The following TBC1D5 variants were observed in gnomAD, a reference collection of about 807,000 sequenced individuals.
TBC1D5 encodes the protein TBC1 domain family, member 5.
TBC1D5 carries 75 observed loss-of-function variants against 100.3 expected under a neutral mutation model. The observed-to-expected ratio is 0.75, with a 90% CI of 0.62 to 0.91. The LOEUF is 0.91. TBC1D5 is among the 40% of genes least tolerant of loss of function. The pLI, the probability that TBC1D5 is intolerant of heterozygous loss-of-function variation, is 0.00. For missense variants in TBC1D5, 910 were observed against 942.4 expected (o/e 0.97, Z 0.45); for synonymous variants, 323 against 325.6 (o/e 0.99, Z 0.09).
intron 1 of TBC1D5, among the ~76,000 whole-genome samples, chr3:17,713,244 C>CTT (rs770932378): frequency 2.0e-4 from 28 of 139,842 alleles, no homozygotes; most frequent in Non-Finnish European, 3.6e-4. Flanking sequence ...CTTTTCTTTT[C>CTT]TTTTTTTTTT....
At chr3:17,328,537 C>T (rs191476704) in intron 13 of TBC1D5, among the ~76,000 whole-genome samples, 1 of 152,332 alleles carries the variant, frequency 6.6e-6, no homozygotes, top group Non-Finnish European at 1.5e-5. Context: ...AGTGGCAGAA[C>T]TGGGACTCAC....
At chr3:17,453,511 G>T (rs2094977796) in intron 3 of TBC1D5, among the ~76,000 whole-genome samples, 2 of 152,010 alleles carry the variant, frequency 1.3e-5, no homozygotes, top group South Asian at 4.2e-4. Flanking sequence ...ATCATTAGTG[G>T]CTACTATGAA....
intron 1 of TBC1D5, among the ~76,000 whole-genome samples, chr3:17,694,677 G>T (rs899806795): frequency 1.3e-5 from 2 of 152,148 alleles, no homozygotes; most frequent in Non-Finnish European, 2.9e-5. Context: ...CAGTCTTCAG[G>T]ATATTATCCA....
chr3:17,699,400 G>T (rs1243401268), intron 1 of TBC1D5, among the ~76,000 whole-genome samples: 2 of 101,602 alleles, frequency 2.0e-5, no homozygotes, highest in African/African-American at 3.7e-5. Flanking sequence ...TTGTGGGGTG[G>T]GGGGAGGGGG....
chr3:17,608,784 G>A, intron 2 of TBC1D5, among the ~76,000 whole-genome samples: 1 of 152,024 alleles, frequency 6.6e-6, no homozygotes. Context: ...GGGGGTTGAG[G>A]AGCAGGGGGA....
intron 2 of TBC1D5, among the ~76,000 whole-genome samples, chr3:17,563,939 T>C (rs113834241): frequency 0.011 from 1,686 of 152,172 alleles, 33 homozygotes; most frequent in East Asian, 0.043. Flanking sequence ...CCCGCCACCA[T>C]GCCTGGCTAA....
chr3:17,729,015 G>GT (rs1309878204), intron 1 of TBC1D5, among the ~76,000 whole-genome samples: 28 of 12,392 alleles, frequency 2.3e-3, no homozygotes, highest in Admixed American at 0.02. Context: ...CTGAAAATCA[G>GT]TAAAAAAAAA....
chr3:17,191,200 A>G lies in TBC1D5; in HGVS notation c.1753-5992T>C, dbSNP rs147911888. ...ATCACAAGCCTTAAAATCAGTATAT[A>G]CTAGGCTTGACACTTACCTTCTCTG... On this transcript the variant is annotated intron_variant, in intron 18 of 21. Coordinates refer to ENST00000253692, the Ensembl canonical transcript of TBC1D5. Among the ~76,000 whole-genome samples the G allele has an allele frequency of 9.1e-4, 138 of 152,330 alleles. 2 individuals carry two copies. The highest frequency in any genetic ancestry group is 5.4e-4 in the Non-Finnish European group (37 of 68,030).
intron 1 of TBC1D5, among the ~76,000 whole-genome samples, chr3:17,636,186 C>T (rs758986891): frequency 4.0e-5 from 6 of 150,240 alleles, no homozygotes; most frequent in Non-Finnish European, 8.9e-5. Context: ...AACTCCATAT[C>T]AAGAAAAAAA....
intron 4 of TBC1D5, among the ~76,000 whole-genome samples, chr3:17,412,799 T>C (rs946578232): frequency 2.6e-5 from 4 of 152,000 alleles, no homozygotes; most frequent in African/African-American, 9.7e-5. Flanking sequence ...AATAAAGAAA[T>C]GAGAAATAGG....
At chr3:17,556,218 A>C (rs1205809690) in intron 2 of TBC1D5, among the ~76,000 whole-genome samples, 1 of 152,098 alleles carries the variant, frequency 6.6e-6, no homozygotes, top group Non-Finnish European at 1.5e-5. Context: ...GGGTTTCACC[A>C]TGTTGGCCAA....
chr3:17,193,855 A>G, intron 18 of TBC1D5, among the ~76,000 whole-genome samples: 1 of 152,254 alleles, frequency 6.6e-6, no homozygotes, highest in East Asian at 1.9e-4. Flanking sequence ...CACTTACAGA[A>G]GGTGTTCTAT....
intron 13 of TBC1D5, among the ~76,000 whole-genome samples, chr3:17,355,866 T>C (rs966288068): frequency 1.3e-5 from 2 of 152,138 alleles, no homozygotes; most frequent in African/African-American, 4.8e-5. Flanking sequence ...ATGTTCTTTG[T>C]TTGATTTTAT....
chr3:17,231,553 C>T (rs1391386015), intron 17 of TBC1D5, among the ~76,000 whole-genome samples: 2 of 151,942 alleles, frequency 1.3e-5, no homozygotes, highest in African/African-American at 4.8e-5. Flanking sequence ...TACTTTATTT[C>T]TTGAAATTTA....
chr3:17,184,011 A>G (rs955682825), intron 19 of TBC1D5, among the ~76,000 whole-genome samples: 2 of 152,260 alleles, frequency 1.3e-5, no homozygotes, highest in Non-Finnish European at 2.9e-5. Flanking sequence ...ATTTATTCAT[A>G]AGTTACCAAT....
chr3:17,666,639 T>C (rs1014211730), intron 1 of TBC1D5, among the ~76,000 whole-genome samples: 1 of 152,188 alleles, frequency 6.6e-6, no homozygotes, highest in Non-Finnish European at 1.5e-5. Context: ...GGACACCGAG[T>C]ACATGTTTAG....
intron 4 of TBC1D5, among the ~76,000 whole-genome samples, chr3:17,423,600 T>C (rs566107309): frequency 3.9e-5 from 6 of 152,170 alleles, no homozygotes; most frequent in Non-Finnish European, 8.8e-5. Flanking sequence ...TTACAAATGA[T>C]TATTTTTAAA....
chr3:17,373,000 C>T (rs1487443334), intron 12 of TBC1D5, among the ~76,000 whole-genome samples: 1 of 152,168 alleles, frequency 6.6e-6, no homozygotes, highest in African/African-American at 2.4e-5. Context: ...AATGATCATG[C>T]AGCCACAGAC....
intron 15 of TBC1D5, among the ~76,000 whole-genome samples, chr3:17,264,553 G>A (rs867458714): frequency 6.6e-5 from 10 of 152,184 alleles, no homozygotes; most frequent in South Asian, 2.1e-4. Flanking sequence ...GAAGTTATAC[G>A]TTGAAAACAA....
Sources: gnomAD v4.1 joint callset for allele counts (sites outside exome capture counted in the v4.1 genomes callset) on GRCh38, gnomAD v4.1.1 for gene constraint, MANE v1.5 for transcripts, NCBI Gene and HGNC (gene_info 2026-07-23, HGNC 2026-07-21) for gene names.